MRTFB: variants seen among roughly 807,000 people sequenced by gnomAD.
The protein encoded by MRTFB is myocardin related transcription factor B.
Under a neutral mutation model 104.2 loss-of-function variants are expected in MRTFB, and 29 were observed. The observed-to-expected ratio is 0.28, with a 90% CI of 0.21 to 0.38. The LOEUF is 0.38. Among genes scored for constraint, MRTFB ranks in the 10% least tolerant of loss-of-function variants. MRTFB has a pLI of 1.00. For synonymous variants in MRTFB, 535 were observed against 519.5 expected, an observed-to-expected ratio of 1.03 and a Z score of -0.41; for missense variants, 1,270 against 1,341.6, an observed-to-expected ratio of 0.95 and a Z score of 0.83.
rs189185799 is a variant in MRTFB at position 14,223,472 on chromosome 16, A to G, written c.693+4474A>G. ...AACTAAAAGAAAGAAAACATGGACA[A>G]CAAACTAAAGGAAATTAGGAAAACT... On this transcript the variant is annotated intron_variant, in intron 8 of 16. Transcript: ENST00000571589. 3.9e-5 allele frequency among the ~76,000 whole-genome samples: 6 copies of G among 152,302 alleles called. No homozygotes were observed. The East Asian group carries it at 1.2e-3, about 29-fold the overall frequency.
At chr16:14,223,182 T>C (rs1211474214) in intron 8 of MRTFB, among the ~76,000 whole-genome samples, 1 of 151,916 alleles carries the variant, frequency 6.6e-6, no homozygotes. Context: ...TGGTAGTGCA[T>C]ACCTGTGGTC....
intron 2 of MRTFB, among the ~76,000 whole-genome samples, chr16:14,137,656 C>T (rs565175896): frequency 6.6e-5 from 10 of 152,152 alleles, no homozygotes; most frequent in Admixed American, 4.6e-4. Context: ...AGTAATTTGA[C>T]ATGCAGATTC....
At chr16:14,060,388 C>T in the MRTFB span, among the ~76,000 whole-genome samples, 3 of 152,086 alleles carry the variant, frequency 2.0e-5, no homozygotes, top group South Asian at 2.1e-4. Flanking sequence ...TGAATGGATT[C>T]GCCAGGAAAC....
intron 3 of MRTFB, among the ~76,000 whole-genome samples, chr16:14,203,075 A>T (rs1241907410): frequency 6.6e-6 from 1 of 152,174 alleles, no homozygotes; most frequent in Admixed American, 6.5e-5. Context: ...ATACATAGTC[A>T]ATTCTAGAGT....
At chr16:14,229,322 T>C (rs1389417297) in intron 8 of MRTFB, among the ~76,000 whole-genome samples, 2 of 123,578 alleles carry the variant, frequency 1.6e-5, no homozygotes, top group Non-Finnish European at 3.4e-5. Context: ...AAATATGCAA[T>C]GCGTGATTTT....
At chr16:14,093,167 A>G (rs1033815612) in intron 2 of MRTFB, among the ~76,000 whole-genome samples, 2 of 152,106 alleles carry the variant, frequency 1.3e-5, no homozygotes, top group South Asian at 2.1e-4. Flanking sequence ...TGGATATGCT[A>G]TAATTTTTAT....
At chr16:13,997,876 G>A in the MRTFB span, among the ~76,000 whole-genome samples, 1 of 151,730 alleles carries the variant, frequency 6.6e-6, no homozygotes, top group African/African-American at 2.4e-5. Context: ...ACAGAACCAG[G>A]AACCAGGTGA....
intron 2 of MRTFB, among the ~76,000 whole-genome samples, chr16:14,127,749 C>T (rs1208806913): frequency 6.6e-6 from 1 of 150,962 alleles, no homozygotes; most frequent in African/African-American, 2.4e-5. Context: ...AACCACTCTA[C>T]TCCTTTCCTC....
chr16:14,140,568 A>T lies in MRTFB; in HGVS notation c.-39A>T, dbSNP rs759020183. 14 of 1,609,608 alleles carry T rather than the reference A, an allele frequency of 8.7e-6. No individual in the cohort carries two copies. Among genetic ancestry groups the T allele is most frequent in the Non-Finnish European group, 1.2e-5 (14 of 1,176,948 alleles). On this transcript the variant is annotated 5_prime_UTR_variant, in exon 3 of 17. Coordinates refer to ENST00000571589, the MANE Select transcript of MRTFB (RefSeq NM_001308142.2). ...GTGTCTTCAATAGGCCGTGTTTAAGAGGCGTCTTACACTCCCTGTTGCCAG... is the reference window on the plus strand; with the variant it reads ...GTGTCTTCAATAGGCCGTGTTTAAGTGGCGTCTTACACTCCCTGTTGCCAG...
intron 3 of MRTFB, among the ~76,000 whole-genome samples, chr16:14,160,343 T>C (rs1251770201): frequency 6.6e-6 from 1 of 152,240 alleles, no homozygotes; most frequent in East Asian, 1.9e-4. Context: ...TTAGGCTAAA[T>C]ATTGTTGGTG....
chr16:14,229,302 T>C (rs931717588), intron 8 of MRTFB, among the ~76,000 whole-genome samples: 1 of 151,136 alleles, frequency 6.6e-6, no homozygotes, highest in Non-Finnish European at 1.5e-5. Flanking sequence ...ACGTAAAATA[T>C]TCATCTATTA....
intron 2 of MRTFB, among the ~76,000 whole-genome samples, chr16:14,085,098 G>A (rs1452769154): frequency 6.6e-6 from 1 of 152,076 alleles, no homozygotes; most frequent in African/African-American, 2.4e-5. Context: ...TGACAATATA[G>A]CAAGATCTCA....
intron 2 of MRTFB, among the ~76,000 whole-genome samples, chr16:14,092,339 G>A (rs2035127774): frequency 6.6e-6 from 1 of 152,208 alleles, no homozygotes; most frequent in Non-Finnish European, 1.5e-5. Context: ...AGGTGACCAT[G>A]TGCAGTAGGT....
At chr16:14,234,088 T>C in intron 8 of MRTFB, 58 bp from the exon 9 acceptor site, 3 of 1,579,376 alleles carry the variant, frequency 1.9e-6, no homozygotes, top group African/African-American at 1.4e-5. Context: ...AATTCTAATT[T>C]TTCTGTTTTT....
At chr16:14,005,260 T>C in the MRTFB span, among the ~76,000 whole-genome samples, 1 of 152,336 alleles carries the variant, frequency 6.6e-6, no homozygotes, top group African/African-American at 2.4e-5. Flanking sequence ...TTGGTTCCCT[T>C]GGCTTTTCAA....
chr16:14,070,208 C>T (rs1257512308), upstream of MRTFB, among the ~76,000 whole-genome samples: 1 of 152,182 alleles, frequency 6.6e-6, no homozygotes, highest in African/African-American at 2.4e-5. Flanking sequence ...CAGAACAGGA[C>T]CTACCTACAA....
In MRTFB at chr16:14,140,603, C is replaced by A. The variant is rs371426179; in HGVS notation, c.-4C>A. On this transcript the variant is annotated 5_prime_UTR_variant, in exon 3 of 17. Transcript: ENST00000571589. The stretch of plus-strand genomic sequence containing the variant: ...CACTCCCTGTTGCCAGTGGCTGGAA[C>A]ACAATGGATCACACAGGGGCGATAG... 1 of 1,614,068 alleles carries A rather than the reference C, an allele frequency of 6.2e-7. No homozygotes were observed. Among genetic ancestry groups the A allele is most frequent in the Non-Finnish European group, 8.5e-7 (1 of 1,180,000 alleles).
At chr16:14,212,221 CTAATGGAACTGGTAAAT>C in intron 4 of MRTFB, 116 bp from the exon 5 acceptor site, 1 of 805,882 alleles carries the variant, frequency 1.2e-6, no homozygotes, top group Non-Finnish European at 1.9e-6. Flanking sequence ...TGCAGGTCTC[CTAATGGAACTGGTAAAT>C]TAATGGAACT....
At chr16:13,999,557 C>G in the MRTFB span, among the ~76,000 whole-genome samples, 57 of 151,496 alleles carry the variant, frequency 3.8e-4, no homozygotes, top group African/African-American at 1.3e-3. Flanking sequence ...TGCATGGGAG[C>G]CATCAGTATA....
Sources: gnomAD v4.1 joint callset for allele counts (sites outside exome capture counted in the v4.1 genomes callset) on GRCh38, gnomAD v4.1.1 for gene constraint, MANE v1.5 for transcripts, NCBI Gene and HGNC (gene_info 2026-07-23, HGNC 2026-07-21) for gene names.